The following ROR1 variants were observed in gnomAD, a reference collection of about 807,000 sequenced individuals.
ROR1 encodes inactive tyrosine-protein kinase transmembrane receptor ROR1.
In ROR1, 19 loss-of-function variants were observed where a neutral mutation model predicts 78.8. That is an observed-to-expected ratio of 0.24 (90% CI 0.17 to 0.35). The LOEUF (loss-of-function observed/expected upper bound fraction) is 0.35, where lower values mean the gene tolerates loss of function less well. ROR1 is among the 10% of genes least tolerant of loss of function. The probability of loss-of-function intolerance (pLI) is 1.00; values close to 1 mark genes in which losing one functional copy is unlikely to be tolerated. For synonymous variants in ROR1, 386 were observed against 433.6 expected, an observed-to-expected ratio of 0.89 and a Z score of 1.36; for missense variants, 917 against 1,177.8, an observed-to-expected ratio of 0.78 and a Z score of 3.24.
chr1:63,778,982 C>T (rs1422273884), intron 1 of ROR1, among the ~76,000 whole-genome samples: 1 of 152,184 alleles, frequency 6.6e-6, no homozygotes, highest in East Asian at 1.9e-4. Context: ...CAAAGGGAAG[C>T]TTGCTTAGCT....
intron 4 of ROR1, among the ~76,000 whole-genome samples, chr1:64,121,580 G>A (rs1275610298): frequency 6.6e-6 from 1 of 151,996 alleles, no homozygotes; most frequent in African/African-American, 2.4e-5. Context: ...TATGCACCCT[G>A]GCGGGGAAGA....
chr1:64,133,947 AT>A (rs1417888023), intron 4 of ROR1, among the ~76,000 whole-genome samples: 3 of 152,166 alleles, frequency 2.0e-5, no homozygotes, highest in Non-Finnish European at 4.4e-5. Context: ...AAAGAAAGAA[AT>A]GTGTTTTTGA....
chr1:63,988,753 A>G (rs1282866428), intron 1 of ROR1, among the ~76,000 whole-genome samples: 1 of 152,210 alleles, frequency 6.6e-6, no homozygotes, highest in Non-Finnish European at 1.5e-5. Context: ...GTCCTTTGTG[A>G]CTGGCCTATT....
At chr1:64,059,029 TTTC>T (rs1173658657) in intron 4 of ROR1, among the ~76,000 whole-genome samples, 3 of 152,200 alleles carry the variant, frequency 2.0e-5, no homozygotes, top group African/African-American at 7.2e-5. Context: ...AAATTTTCTG[TTTC>T]TTCTTGAGTC....
chr1:63,892,605 C>T (rs902431693), intron 1 of ROR1, among the ~76,000 whole-genome samples: 1 of 152,100 alleles, frequency 6.6e-6, no homozygotes, highest in Non-Finnish European at 1.5e-5. Context: ...AGTGATTAGC[C>T]ACTGAGGACT....
chr1:64,076,281 A>T (rs771213139), intron 4 of ROR1, among the ~76,000 whole-genome samples: 1 of 152,204 alleles, frequency 6.6e-6, no homozygotes, highest in Non-Finnish European at 1.5e-5. Flanking sequence ...AGTCACCAGT[A>T]AGCCTTGCCC....
intron 1 of ROR1, among the ~76,000 whole-genome samples, chr1:63,852,066 C>G (rs1027093088): frequency 7.9e-5 from 12 of 152,224 alleles, no homozygotes; most frequent in Non-Finnish European, 1.5e-4. Flanking sequence ...TATGACAAAT[C>G]CTTCAGAGTT....
chr1:63,885,776 A>G (rs1274404284), intron 1 of ROR1, among the ~76,000 whole-genome samples: 1 of 152,120 alleles, frequency 6.6e-6, no homozygotes, highest in Non-Finnish European at 1.5e-5. Flanking sequence ...GATTCCTCCA[A>G]ACGTGAACCC....
intron 1 of ROR1, among the ~76,000 whole-genome samples, chr1:63,815,791 C>A (rs374485076): frequency 2.6e-5 from 4 of 152,036 alleles, no homozygotes; most frequent in East Asian, 1.9e-4. Flanking sequence ...ATGTGGGGAA[C>A]CGCCATGAAT....
intron 1 of ROR1, among the ~76,000 whole-genome samples, chr1:63,957,672 C>T (rs774063695): frequency 4.6e-5 from 7 of 152,034 alleles, no homozygotes; most frequent in African/African-American, 1.7e-4. Context: ...ATTCATTCAT[C>T]TAACGTTTGT....
chr1:64,064,520 G>A (rs1208393632), intron 4 of ROR1, among the ~76,000 whole-genome samples: 1 of 152,182 alleles, frequency 6.6e-6, no homozygotes, highest in Non-Finnish European at 1.5e-5. Context: ...CAGGAAACGG[G>A]CAAGGAACGG....
intron 1 of ROR1, among the ~76,000 whole-genome samples, chr1:63,933,898 G>T (rs555773547): frequency 1.3e-5 from 2 of 152,320 alleles, no homozygotes; most frequent in South Asian, 4.1e-4. Context: ...GTGTCTGGAT[G>T]TGGGGTCAGT....
chr1:63,877,890 CAA>C (rs1195675346), intron 1 of ROR1, among the ~76,000 whole-genome samples: 1 of 152,086 alleles, frequency 6.6e-6, no homozygotes, highest in Non-Finnish European at 1.5e-5. Context: ...TCAAACAAGA[CAA>C]AGAGGCTCAT....
rs1649347397 is a variant in ROR1 at position 64,142,453 on chromosome 1, G to A, written c.977G>A (p.Ser326Asn). The A allele has an allele frequency of 6.2e-7, 1 of 1,614,154 alleles. No homozygotes were observed. The highest frequency in any genetic ancestry group is 8.5e-7 in the Non-Finnish European group (1 of 1,180,024). The change falls in exon 7 of 9, where the codon AGT becomes AAT. Residue 326 changes from serine to asparagine, a missense_variant. Physicochemically the swap from Ser to Asn is conservative, Grantham distance 46. This residue lies in a region of ROR1 where 835 missense variants were observed against 1,069.8 expected (regional missense o/e 0.78). Coordinates refer to ENST00000371079, the MANE Select transcript of ROR1 (RefSeq NM_005012.4). ...STGVDYRGTV[S>N]VTKSGRQCQP... is the part of the protein sequence containing the mutation. ...GGTGTGGACTACCGGGGGACCGTCA[G>A]TGTGACCAAATCAGGGCGCCAGTGC...
chr1:64,163,289 AT>A (rs1649997988), intron 8 of ROR1, among the ~76,000 whole-genome samples: 1 of 151,076 alleles, frequency 6.6e-6, no homozygotes. Context: ...ATGGTGGTGC[AT>A]CTCTATACTC....
chr1:63,776,324 T>C (rs977282035), intron 1 of ROR1, among the ~76,000 whole-genome samples: 3 of 152,232 alleles, frequency 2.0e-5, no homozygotes, highest in African/African-American at 4.8e-5. Context: ...TTTAACTGTT[T>C]ACAGCCTTTT....
At chr1:64,012,320 A>C (rs919013495) in intron 2 of ROR1, among the ~76,000 whole-genome samples, 4 of 152,198 alleles carry the variant, frequency 2.6e-5, no homozygotes, top group African/African-American at 9.7e-5. Context: ...AAATCTATGA[A>C]GCACCTTGGG....
rs551533351 is a variant in ROR1, at chr1:64,149,810, C to A, written c.1174+7160C>A. The stretch of plus-strand genomic sequence containing the variant: ...GTTCTTTCTAACTGGCATCTAGGCA[C>A]ACTGCCTAGGTTCACCATTTCACTG... On this transcript the variant is annotated intron_variant, in intron 7 of 8. Coordinates refer to ENST00000371079, the MANE Select transcript of ROR1 (RefSeq NM_005012.4). 3.9e-5 allele frequency among the ~76,000 whole-genome samples: 6 copies of A among 152,324 alleles called. No homozygotes were observed. In the East Asian group the frequency reaches 9.6e-4, roughly 24 times the overall value.
chr1:63,928,713 C>T (rs1050676630), intron 1 of ROR1, among the ~76,000 whole-genome samples: 3 of 152,200 alleles, frequency 2.0e-5, no homozygotes, highest in Non-Finnish European at 4.4e-5. Flanking sequence ...CTTCCCTGTT[C>T]TCATCTGTAA....
Sources: gnomAD v4.1 joint callset for allele counts (sites outside exome capture counted in the v4.1 genomes callset) on GRCh38, gnomAD v4.1.1 for gene constraint, gnomAD v4.1.1 regional missense constraint, MANE v1.5 for transcripts, NCBI Gene and HGNC (gene_info 2026-07-23, HGNC 2026-07-21) for gene names.